The following NOX4 variants were observed in gnomAD, a reference collection of about 807,000 sequenced individuals.
The protein encoded by NOX4 is NADPH oxidase 4.
NOX4 carries 69 observed loss-of-function variants against 87.6 expected under a neutral mutation model. That is an observed-to-expected ratio of 0.79 (90% CI 0.65 to 0.96). NOX4 has a LOEUF of 0.96. Ranked by LOEUF, NOX4 falls within the 40% of genes least tolerant of loss-of-function variation. NOX4 has a pLI of 0.00. For missense variants in NOX4, 680 were observed against 681.5 expected (o/e 1.00, Z 0.02); for synonymous variants, 275 against 238.2 (o/e 1.15, Z -1.42).
chr11:89,494,620 G>A (rs942948982), upstream of NOX4, among the ~76,000 whole-genome samples: 18 of 152,066 alleles, frequency 1.2e-4, no homozygotes, highest in Admixed American at 7.2e-4. Flanking sequence ...CTTTCTTTCC[G>A]TGCCTTTCTC....
At chr11:89,577,448 C>CA in the NOX4 span, 3 of 152,038 alleles carry the variant, frequency 2.0e-5, no homozygotes, top group Admixed American at 2.0e-4. Flanking sequence ...TAAGGAAATC[C>CA]AAACAAGAGT....
the NOX4 span, among the ~76,000 whole-genome samples, chr11:89,549,347 C>A: frequency 6.6e-6 from 1 of 152,108 alleles, no homozygotes; most frequent in African/African-American, 2.4e-5. Context: ...ATTAATCAGC[C>A]CATCCTTGAA....
Position 89,397,317 on chromosome 11 carries a change from C to A in NOX4, c.1074+2700G>T, listed in dbSNP as rs147447766. On this transcript the variant is annotated intron_variant, in intron 11 of 17. Coordinates refer to ENST00000263317, the MANE Select transcript of NOX4 (RefSeq NM_016931.5). ...CAGAATCTCTGGGACACATTTAAAG[C>A]AGTGTGTAGAGAGAACTTTATAGCA... Among the ~76,000 whole-genome samples, 1,095 of 152,206 alleles carry A rather than the reference C, an allele frequency of 7.2e-3. 11 individuals are homozygous for A. The highest frequency in any genetic ancestry group is 0.025 in the African/African-American group (1,020 of 41,536).
chr11:89,329,958 G>A (rs550156686), intron 17 of NOX4, among the ~76,000 whole-genome samples: 1 of 151,964 alleles, frequency 6.6e-6, no homozygotes, highest in Non-Finnish European at 1.5e-5. Flanking sequence ...CACCAAAATA[G>A]TAAAATCTGT....
chr11:89,509,210 T>C, the NOX4 span, among the ~76,000 whole-genome samples: 1 of 150,934 alleles, frequency 6.6e-6, no homozygotes, highest in East Asian at 2.0e-4. Flanking sequence ...CAAAATATAT[T>C]GGAAGTTCAA....
intron 8 of NOX4, among the ~76,000 whole-genome samples, chr11:89,416,791 A>G (rs1268280232): frequency 6.6e-6 from 1 of 152,028 alleles, no homozygotes; most frequent in Non-Finnish European, 1.5e-5. Context: ...GATTTCCTAG[A>G]AAAAAAATGA....
At chr11:89,533,088 G>T in the NOX4 span, among the ~76,000 whole-genome samples, 1 of 152,102 alleles carries the variant, frequency 6.6e-6, no homozygotes, top group Non-Finnish European at 1.5e-5. Flanking sequence ...TTAAAAAACA[G>T]AGATAATACT....
At position 89,444,196 on chromosome 11, in the gene NOX4, T is replaced by C. The variant is rs753230366; in HGVS notation, c.386A>G (p.Asn129Ser). 2.9e-5 allele frequency: 47 copies of C among 1,613,556 alleles called. No individual in the cohort carries two copies. The highest frequency in any genetic ancestry group is 2.5e-4 in the East Asian group (11 of 44,836). ...GTCTTCACTGTAATTCACTGAGAAG[T>C]TGAGGGCATTCACCAGATGGGCAGC... The part of the protein sequence containing the change: ...HVAAHLVNAL[N>S]FSVNYSEDFV... The change falls in exon 5 of 18, where the codon AAC becomes AGC. Residue 129 changes from asparagine to serine, a missense_variant. Transcript: ENST00000263317.
the NOX4 span, among the ~76,000 whole-genome samples, chr11:89,562,925 G>A: frequency 6.6e-6 from 1 of 152,272 alleles, no homozygotes; most frequent in East Asian, 1.9e-4. Context: ...TTTCCCCCAT[G>A]CTGTTCTCCT....
At chr11:89,525,608 G>A in the NOX4 span, among the ~76,000 whole-genome samples, 2 of 151,830 alleles carry the variant, frequency 1.3e-5, no homozygotes, top group South Asian at 4.2e-4. Context: ...TTTATGTATT[G>A]TGGATAAAGG....
chr11:89,579,861 C>T, the NOX4 span, among the ~76,000 whole-genome samples: 1 of 151,562 alleles, frequency 6.6e-6, no homozygotes, highest in Non-Finnish European at 1.5e-5. Flanking sequence ...TGAGTATACA[C>T]CTATAGAAAT....
Position 89,426,909 on chromosome 11 carries a change from C to T in NOX4, c.549-4927G>A, listed in dbSNP as rs143805709. Among the ~76,000 whole-genome samples the T allele has an allele frequency of 2.4e-4, 37 of 152,300 alleles. No individual in the cohort carries two copies. The East Asian group carries it at 3.9e-3, about 16-fold the overall frequency. On this transcript the variant is annotated intron_variant, in intron 7 of 17. Transcript: ENST00000263317. ...CAGCATGGAATTTGAGATCTGAGAA[C>T]GGACAGACTGCCTCCTCAAGTAGGT...
At chr11:89,522,884 G>C in the NOX4 span, among the ~76,000 whole-genome samples, 1 of 152,080 alleles carries the variant, frequency 6.6e-6, no homozygotes, top group Non-Finnish European at 1.5e-5. Flanking sequence ...ATCAAACTAA[G>C]TATTCCTAGG....
the NOX4 span, among the ~76,000 whole-genome samples, chr11:89,572,137 A>G: frequency 2.6e-5 from 4 of 152,164 alleles, no homozygotes; most frequent in African/African-American, 7.2e-5. Flanking sequence ...GCACACTTGA[A>G]CCCTGACCAC....
At chr11:89,581,982 C>A in the NOX4 span, among the ~76,000 whole-genome samples, 4 of 152,126 alleles carry the variant, frequency 2.6e-5, no homozygotes, top group African/African-American at 9.7e-5. Flanking sequence ...ATTCATCTTG[C>A]ATGACTAAAA....
Position 89,361,438 on chromosome 11 carries a change from T to C in NOX4, c.1136-6395A>G, listed in dbSNP as rs1847138. ...AAAGACATAAGAAAGATATAATGAA[T>C]TTTAAGAACTCTGGAGCGGGAATGT... is the stretch of plus-strand genomic sequence containing the variant. On this transcript the variant is annotated intron_variant, in intron 12 of 17. Coordinates refer to ENST00000263317, the MANE Select transcript of NOX4 (RefSeq NM_016931.5). 5.1e-3 allele frequency among the ~76,000 whole-genome samples: 771 copies of C among 152,048 alleles called. 13 individuals carry two copies. Among genetic ancestry groups the C allele is most frequent in the African/African-American group, 0.018 (737 of 41,492 alleles).
intron 2 of NOX4, chr11:89,488,783 T>C: frequency 2.1e-6 from 1 of 473,446 alleles, no homozygotes; most frequent in East Asian, 3.2e-5. Context: ...AACGTCCTAT[T>C]CATTAAGTTA....
intron 12 of NOX4, among the ~76,000 whole-genome samples, chr11:89,364,465 G>A (rs1938777394): frequency 6.6e-6 from 1 of 151,866 alleles, no homozygotes; most frequent in Non-Finnish European, 1.5e-5. Context: ...GCATGCTCTG[G>A]TTATATAAAA....
intron 12 of NOX4, among the ~76,000 whole-genome samples, chr11:89,356,828 T>G (rs2134984319): frequency 6.6e-6 from 1 of 152,192 alleles, no homozygotes. Context: ...ATTTCCAACA[T>G]CTATTTTTAC....
Sources: gnomAD v4.1 joint callset for allele counts (sites outside exome capture counted in the v4.1 genomes callset) on GRCh38, gnomAD v4.1.1 for gene constraint, MANE v1.5 for transcripts, NCBI Gene and HGNC (gene_info 2026-07-23, HGNC 2026-07-21) for gene names.